Variants in EXOC6 observed in about 807,000 individuals in gnomAD.
The protein encoded by EXOC6 is SEC15-like 1.
A neutral mutation model predicts 112.5 loss-of-function variants in EXOC6; 60 were observed. The observed-to-expected ratio is 0.53, with a 90% CI of 0.43 to 0.66. The LOEUF is 0.66. Among genes scored for constraint, EXOC6 ranks in the 30% least tolerant of loss-of-function variants. EXOC6 has a pLI of 0.00. For missense variants in EXOC6, 855 were observed against 957.1 expected, an observed-to-expected ratio of 0.89 and a Z score of 1.41; for synonymous variants, 295 against 308.0, an observed-to-expected ratio of 0.96 and a Z score of 0.44.
intron 20 of EXOC6, among the ~76,000 whole-genome samples, chr10:93,021,955 T>C (rs977781849): frequency 1.3e-5 from 2 of 152,224 alleles, no homozygotes; most frequent in Non-Finnish European, 2.9e-5. Flanking sequence ...ACATAGTTTA[T>C]GAAACTGTTC....
At chr10:93,014,799 A>G (rs974162522) in intron 20 of EXOC6, among the ~76,000 whole-genome samples, 10 of 152,004 alleles carry the variant, frequency 6.6e-5, no homozygotes, top group African/African-American at 2.4e-4. Flanking sequence ...TGGCCACAAT[A>G]CTCTAAGTGT....
At chr10:93,037,790 G>A (rs542717161) in intron 20 of EXOC6, among the ~76,000 whole-genome samples, 49 of 150,054 alleles carry the variant, frequency 3.3e-4, no homozygotes, top group Non-Finnish European at 6.7e-4. Flanking sequence ...GGTGGCTCAC[G>A]CCTGTGATCC....
chr10:93,002,168 A>G (rs2486690), intron 19 of EXOC6, among the ~76,000 whole-genome samples: 97,295 of 151,800 alleles, frequency 0.64, 33,955 homozygotes, highest in East Asian at 0.99. Flanking sequence ...GCTAAGCTCT[A>G]TTTTTCTTAT....
chr10:92,942,661 TATG>T (rs1403739097), intron 13 of EXOC6, among the ~76,000 whole-genome samples: 4 of 152,324 alleles, frequency 2.6e-5, no homozygotes, highest in Non-Finnish European at 4.4e-5. Flanking sequence ...TAATGTATAA[TATG>T]ATGTAATATG....
chr10:92,951,562 C>T (rs10882131), intron 14 of EXOC6, among the ~76,000 whole-genome samples: 15,453 of 151,772 alleles, frequency 0.1, 866 homozygotes, highest in Admixed American at 0.17. Flanking sequence ...GTACTTTCAC[C>T]GATATAACAA....
At chr10:92,862,379 G>A (rs1221162100) in intron 1 of EXOC6, among the ~76,000 whole-genome samples, 2 of 151,958 alleles carry the variant, frequency 1.3e-5, no homozygotes, top group Non-Finnish European at 2.9e-5. Flanking sequence ...CAATGTGATA[G>A]TTTGAGGTAG....
Position 92,997,500 on chromosome 10 carries a change from G to A in EXOC6, c.1980G>A (p.Met660Ile). The A allele has an allele frequency of 6.2e-7, 1 of 1,611,812 alleles. No individual in the cohort carries two copies. Among genetic ancestry groups the A allele is most frequent in the Non-Finnish European group, 8.5e-7 (1 of 1,178,788 alleles). ...GGAAAGTTGCTCAGACAGCTTGCATGTCAGCCTGCCAGCATCTGTCAACAT... is the reference window on the plus strand; with the variant it reads ...GGAAAGTTGCTCAGACAGCTTGCATATCAGCCTGCCAGCATCTGTCAACAT... Reference protein sequence around the residue: ...LPGKVAQTACMSACQHLSTSL... With the variant: ...LPGKVAQTACISACQHLSTSL... Residue 660 changes from methionine to isoleucine, a missense_variant, in exon 19 of 22, where the codon ATG becomes ATA. Around this residue, in one of 2 missense-constraint regions of EXOC6, gnomAD observed 450 missense variants for 563.5 expected, o/e 0.80. Transcript: ENST00000260762.
chr10:93,005,835 T>C (rs1479774150), intron 19 of EXOC6, among the ~76,000 whole-genome samples: 1 of 152,198 alleles, frequency 6.6e-6, no homozygotes, highest in African/African-American at 2.4e-5. Context: ...TTTCTTAATG[T>C]GAAAGCCTTG....
At chr10:92,909,338 AATCAGTGTAAAACTGATTATTT>A (rs1296601892) in intron 5 of EXOC6, 67 bp from the exon 6 acceptor site, 8 of 853,430 alleles carry the variant, frequency 9.4e-6, no homozygotes, top group Non-Finnish European at 1.4e-5. Context: ...TTTGATGAAT[AATCAGTGTAAAACTGATTATTT>A]AGATTTACTT....
intron 13 of EXOC6, among the ~76,000 whole-genome samples, chr10:92,941,916 C>T (rs1441279651): frequency 6.6e-6 from 1 of 152,046 alleles, no homozygotes; most frequent in South Asian, 2.1e-4. Flanking sequence ...CATCCTTCTC[C>T]CTTTCAGGAA....
At chr10:92,858,446 G>A (rs1847732295) in intron 1 of EXOC6, among the ~76,000 whole-genome samples, 1 of 151,238 alleles carries the variant, frequency 6.6e-6, no homozygotes, top group Non-Finnish European at 1.5e-5. Context: ...CTCTCTTACT[G>A]TTTTTTCTCT....
At chr10:92,975,711 CCCGG>C (rs1342566562) in intron 18 of EXOC6, among the ~76,000 whole-genome samples, 27 of 123,896 alleles carry the variant, frequency 2.2e-4, no homozygotes, top group Middle Eastern at 5.7e-3. Context: ...AGCCCCTCTG[CCCGG>C]CCAGCCGCCC....
intron 17 of EXOC6, among the ~76,000 whole-genome samples, chr10:92,966,009 A>C (rs889075022): frequency 2.0e-5 from 3 of 152,108 alleles, no homozygotes; most frequent in African/African-American, 7.2e-5. Context: ...AAGCATTAAT[A>C]AACCTTAAAA....
chr10:93,052,320 T>G lies in EXOC6; in HGVS notation c.2170-4604T>G, dbSNP rs554385826. Among the ~76,000 whole-genome samples the G allele has an allele frequency of 1.4e-3, 219 of 152,310 alleles. 1 individual carries two copies. The highest frequency in any genetic ancestry group is 1.7e-3 in the Non-Finnish European group (118 of 68,018). On this transcript the variant is annotated intron_variant, in intron 20 of 21. Transcript: ENST00000260762. ...TGGGCATGGATCGAGAATGAGTCTG[T>G]AGGATGGGAAACTGTCAGCAAGCTA...
chr10:92,999,120 C>G (rs1843635040), intron 19 of EXOC6: 1 of 341,720 alleles, frequency 2.9e-6, no homozygotes, highest in African/African-American at 2.3e-5. Flanking sequence ...GATCTGCCCA[C>G]CTCAGCCTCC....
chr10:93,017,829 G>A, intron 20 of EXOC6, among the ~76,000 whole-genome samples: 1 of 151,644 alleles, frequency 6.6e-6, no homozygotes. Flanking sequence ...GGCTAACACA[G>A]TGAAACCCCG....
chr10:92,858,325 T>A (rs1000018395), intron 1 of EXOC6, among the ~76,000 whole-genome samples: 4 of 152,208 alleles, frequency 2.6e-5, no homozygotes, highest in Non-Finnish European at 5.9e-5. Context: ...TTCCTTTCTC[T>A]TCTCTACTTT....
chr10:93,029,018 T>C (rs1385626056), intron 20 of EXOC6, among the ~76,000 whole-genome samples: 1 of 151,966 alleles, frequency 6.6e-6, no homozygotes, highest in Non-Finnish European at 1.5e-5. Flanking sequence ...ATGCAGTAAA[T>C]TTCATTGTTG....
At chr10:92,969,169 A>G (rs1458012137) in intron 17 of EXOC6, among the ~76,000 whole-genome samples, 2 of 152,098 alleles carry the variant, frequency 1.3e-5, no homozygotes, top group African/African-American at 4.8e-5. Flanking sequence ...AGCATGGAGC[A>G]CACATGCTTG....
Sources: gnomAD v4.1 joint callset for allele counts (sites outside exome capture counted in the v4.1 genomes callset) on GRCh38, gnomAD v4.1.1 for gene constraint, gnomAD v4.1.1 regional missense constraint, MANE v1.5 for transcripts, NCBI Gene and HGNC (gene_info 2026-07-23, HGNC 2026-07-21) for gene names.